The following HS3ST5 variants were observed in gnomAD, a reference collection of about 807,000 sequenced individuals.
HS3ST5 encodes the protein heparan sulfate-glucosamine 3-sulfotransferase 5.
Under a neutral mutation model 25.4 loss-of-function variants are expected in HS3ST5, and 10 were observed. That is an observed-to-expected ratio of 0.39 (90% CI 0.24 to 0.67). The LOEUF is 0.67. Ranked by LOEUF, HS3ST5 falls within the 30% of genes least tolerant of loss-of-function variation. HS3ST5 has a pLI of 0.44. For synonymous variants in HS3ST5, 170 were observed against 162.4 expected (o/e 1.05, Z -0.36); for missense variants, 324 against 420.7 (o/e 0.77, Z 2.01).
At chr6:114,088,990 C>T (rs948428928) in intron 3 of HS3ST5, 9 of 152,142 alleles carry the variant, frequency 5.9e-5, no homozygotes, top group Non-Finnish European at 1.3e-4. Flanking sequence ...TAGGAAGGCA[C>T]GTGAGAAGTA....
intron 3 of HS3ST5, among the ~76,000 whole-genome samples, chr6:114,156,264 T>A (rs1029365407): frequency 1.3e-5 from 2 of 152,188 alleles, no homozygotes; most frequent in African/African-American, 4.8e-5. Flanking sequence ...TTCTCCCTCA[T>A]CCCATTCCTG....
intron 2 of HS3ST5, among the ~76,000 whole-genome samples, chr6:114,211,918 A>G (rs1015040176): frequency 4.6e-5 from 7 of 152,266 alleles, no homozygotes; most frequent in Admixed American, 1.3e-4. Flanking sequence ...ACATGTGCAC[A>G]TGTTATGTGC....
chr6:114,190,655 C>G (rs138779098), intron 2 of HS3ST5, among the ~76,000 whole-genome samples: 41 of 152,156 alleles, frequency 2.7e-4, no homozygotes, highest in African/African-American at 8.2e-4. Context: ...ATATATAATT[C>G]TTTTCATTCT....
At chr6:114,281,263 A>G (rs750086976) in intron 1 of HS3ST5, among the ~76,000 whole-genome samples, 7 of 152,022 alleles carry the variant, frequency 4.6e-5, no homozygotes, top group South Asian at 4.1e-4. Context: ...CAATTAAAAT[A>G]ACTGATTTTA....
At chr6:114,200,069 T>C (rs1780942171) in intron 2 of HS3ST5, among the ~76,000 whole-genome samples, 1 of 152,090 alleles carries the variant, frequency 6.6e-6, no homozygotes, top group Non-Finnish European at 1.5e-5. Context: ...AAAACAAAAT[T>C]AGCTGGGCGT....
intron 3 of HS3ST5, among the ~76,000 whole-genome samples, chr6:114,141,167 A>G (rs1439347006): frequency 6.6e-6 from 1 of 152,148 alleles, no homozygotes; most frequent in East Asian, 1.9e-4. Context: ...TGCCCCTACA[A>G]ATTCAGCAAA....
intron 3 of HS3ST5, among the ~76,000 whole-genome samples, chr6:114,089,919 C>T (rs1199770352): frequency 6.6e-6 from 1 of 152,114 alleles, no homozygotes; most frequent in African/African-American, 2.4e-5. Flanking sequence ...TCTAATATAA[C>T]AATAATCGGA....
chr6:114,155,171 T>C (rs1778640994), intron 3 of HS3ST5, among the ~76,000 whole-genome samples: 1 of 152,230 alleles, frequency 6.6e-6, no homozygotes, highest in Admixed American at 6.5e-5. Flanking sequence ...TTAACTCTAC[T>C]TCTTACATAT....
chr6:114,108,562 T>A (rs1033498650), intron 3 of HS3ST5, among the ~76,000 whole-genome samples: 9 of 151,904 alleles, frequency 5.9e-5, no homozygotes, highest in African/African-American at 2.2e-4. Context: ...TCTGGTAATA[T>A]CTCTCCGGCG....
chr6:114,219,558 C>G (rs1375688924), intron 2 of HS3ST5, among the ~76,000 whole-genome samples: 2 of 151,964 alleles, frequency 1.3e-5, no homozygotes, highest in Non-Finnish European at 2.9e-5. Flanking sequence ...TGAATTCAGG[C>G]CATCAAAAAT....
At chr6:114,084,532 C>T in intron 3 of HS3ST5, 2 of 758,976 alleles carry the variant, frequency 2.6e-6, no homozygotes, top group Non-Finnish European at 4.8e-6. Context: ...CGGCGTCCAC[C>T]GCATCACACC....
intron 3 of HS3ST5, among the ~76,000 whole-genome samples, chr6:114,130,452 C>G (rs1017393551): frequency 1.3e-5 from 2 of 152,168 alleles, no homozygotes; most frequent in African/African-American, 2.4e-5. Flanking sequence ...ATAGAAAAAT[C>G]TGGGGTGGGA....
intron 1 of HS3ST5, among the ~76,000 whole-genome samples, chr6:114,326,397 A>G: frequency 6.6e-6 from 1 of 152,082 alleles, no homozygotes; most frequent in East Asian, 1.9e-4. Flanking sequence ...CTCAAACAAA[A>G]CAAAACAAAA....
At chr6:114,313,026 A>AAG (rs1491496857) in intron 1 of HS3ST5, among the ~76,000 whole-genome samples, 2 of 65,558 alleles carry the variant, frequency 3.1e-5, no homozygotes, top group African/African-American at 1.4e-4. Context: ...CCTGCATCAG[A>AAG]AAAAAAAAAA....
At chr6:114,207,586 C>CA (rs1446052384) in intron 2 of HS3ST5, among the ~76,000 whole-genome samples, 2 of 152,100 alleles carry the variant, frequency 1.3e-5, no homozygotes, top group Non-Finnish European at 2.9e-5. Flanking sequence ...AGTCCAAACT[C>CA]AGATTATCCT....
rs552123747 is a variant in HS3ST5 at position 114,063,785 on chromosome 6, G to A, written c.-32-908C>T. Among the ~76,000 whole-genome samples the A allele has an allele frequency of 4.8e-4, 73 of 152,306 alleles. 1 individual carries two copies. Among genetic ancestry groups the A allele is most frequent in the African/African-American group, 1.7e-3 (70 of 41,560 alleles). On this transcript the variant is annotated intron_variant, in intron 3 of 4. Coordinates refer to ENST00000312719, the MANE Select transcript of HS3ST5 (RefSeq NM_153612.4). ...TGAGGACAATGGCCTTGGGGAACCT[G>A]ATGTTTCCCTCCATGTCCTCTGCTC... is the stretch of plus-strand genomic sequence containing the variant.
chr6:114,085,458 A>T (rs1030924556), intron 3 of HS3ST5, among the ~76,000 whole-genome samples: 9 of 152,210 alleles, frequency 5.9e-5, no homozygotes, highest in African/African-American at 2.2e-4. Flanking sequence ...ACACTATGCC[A>T]AAATCAATTT....
chr6:114,306,086 T>A (rs191206019), intron 1 of HS3ST5, among the ~76,000 whole-genome samples: 4 of 152,014 alleles, frequency 2.6e-5, no homozygotes, highest in African/African-American at 9.6e-5. Context: ...ATTCTGGGAG[T>A]CTTTGCCTGA....
rs150204516 is a variant in HS3ST5, at chr6:114,090,043, C to T, written c.-32-27166G>A. On this transcript the variant is annotated intron_variant, in intron 3 of 4. Coordinates refer to ENST00000312719, the MANE Select transcript of HS3ST5 (RefSeq NM_153612.4). Reference sequence around the variant, plus strand: ...TTCTTTGAGAACCCTGTACATGTGGCCATGAACCCTCTGCCAAAGATAAGG... The same window carrying T: ...TTCTTTGAGAACCCTGTACATGTGGTCATGAACCCTCTGCCAAAGATAAGG... Among the ~76,000 whole-genome samples the T allele has an allele frequency of 6.5e-3, 993 of 152,252 alleles. 14 individuals carry two copies. Among genetic ancestry groups the T allele is most frequent in the African/African-American group, 0.023 (935 of 41,526 alleles).
Sources: gnomAD v4.1 joint callset for allele counts (sites outside exome capture counted in the v4.1 genomes callset) on GRCh38, gnomAD v4.1.1 for gene constraint, MANE v1.5 for transcripts, NCBI Gene and HGNC (gene_info 2026-07-23, HGNC 2026-07-21) for gene names.